ZNF410: variants seen among roughly 807,000 people sequenced by gnomAD.
ZNF410 encodes another partner for ARF 1.
ZNF410 carries 18 observed loss-of-function variants against 54.8 expected under a neutral mutation model. The ratio of observed to expected loss-of-function variants is 0.33; its 90% CI spans 0.23 to 0.49. The LOEUF is 0.49. Among genes scored for constraint, ZNF410 ranks in the 20% least tolerant of loss-of-function variants. The probability of loss-of-function intolerance (pLI) is 0.99; values close to 1 mark genes in which losing one functional copy is unlikely to be tolerated. For missense variants in ZNF410, 405 were observed against 569.6 expected (o/e 0.71, Z 2.94); for synonymous variants, 191 against 207.3 (o/e 0.92, Z 0.68).
intron 5 of ZNF410, among the ~76,000 whole-genome samples, chr14:73,899,692 C>T (rs975043904): frequency 6.6e-6 from 1 of 152,288 alleles, no homozygotes; most frequent in Admixed American, 6.5e-5. Flanking sequence ...GGTTCCCTGC[C>T]TTGGGCAGTT....
At chr14:73,924,661 G>A (rs906960133) in intron 11 of ZNF410, 3 of 444,708 alleles carry the variant, frequency 6.7e-6, no homozygotes, top group South Asian at 3.2e-5. Flanking sequence ...GTGCTCTTCC[G>A]TCTTTTCTCC....
At chr14:73,897,288 G>T (rs35450019) in intron 4 of ZNF410, among the ~76,000 whole-genome samples, 2 of 152,066 alleles carry the variant, frequency 1.3e-5, no homozygotes, top group East Asian at 3.8e-4. Context: ...AGGTACACTT[G>T]TTCAAGAAGC....
intron 8 of ZNF410, among the ~76,000 whole-genome samples, chr14:73,911,665 C>T (rs1367468494): frequency 1.3e-5 from 2 of 152,070 alleles, no homozygotes; most frequent in Non-Finnish European, 2.9e-5. Context: ...TGGTGTTATA[C>T]CTGTCAAAAT....
rs555171753 is a variant in ZNF410, at chr14:73,905,910, CACAT to C, written c.913+833_913+836del. Among the ~76,000 whole-genome samples, 66 of 149,322 alleles carry C rather than the reference CACAT, an allele frequency of 4.4e-4. No homozygotes were observed. The South Asian group carries it at 8.9e-3, about 20-fold the overall frequency. On this transcript the variant is annotated intron_variant, in intron 7 of 11. Transcript: ENST00000555044. ...AGGCATATATATACATACATATATA[CACAT>C]ACATATATATACACATACATACATA...
chr14:73,909,615 G>T (rs887157801), intron 8 of ZNF410, 185 bp downstream of exon 8: 26 of 472,410 alleles, frequency 5.5e-5, no homozygotes, highest in African/African-American at 3.1e-4. Flanking sequence ...GTTGGGGGGG[G>T]GACATCTAAT....
intron 1 of ZNF410, among the ~76,000 whole-genome samples, chr14:73,889,446 A>G (rs951655777): frequency 2.6e-5 from 4 of 151,664 alleles, no homozygotes; most frequent in South Asian, 2.1e-4. Flanking sequence ...AAAAAAAAAA[A>G]AAAAAAAGAA....
At chr14:73,929,295 A>T (rs1190192519) in intron 11 of ZNF410, among the ~76,000 whole-genome samples, 1 of 151,962 alleles carries the variant, frequency 6.6e-6, no homozygotes, top group East Asian at 1.9e-4. Context: ...TCAGGGTTCC[A>T]GGCTTAGGCC....
At chr14:73,917,133 C>CT (rs1270529273) in intron 8 of ZNF410, among the ~76,000 whole-genome samples, 1 of 151,802 alleles carries the variant, frequency 6.6e-6, no homozygotes, top group East Asian at 1.9e-4. Flanking sequence ...TTTTTTTGTA[C>CT]TTTATTTTTT....
chr14:73,926,763 T>C (rs757107258), intron 11 of ZNF410, among the ~76,000 whole-genome samples: 1 of 152,138 alleles, frequency 6.6e-6, no homozygotes, highest in African/African-American at 2.4e-5. Context: ...TCCTAAAGAT[T>C]TTCCCACATT....
chr14:73,923,210 C>T (rs569582394), intron 10 of ZNF410, among the ~76,000 whole-genome samples, 185 bp from the exon 11 acceptor site: 21 of 152,266 alleles, frequency 1.4e-4, no homozygotes, highest in African/African-American at 5.1e-4. Flanking sequence ...CCTTTCTATT[C>T]TCTTTTTATA....
rs1344994499 is a variant in ZNF410 at position 73,905,121 on chromosome 14, C to G, written c.913+38C>G. 4 of 1,587,622 alleles carry G rather than the reference C, an allele frequency of 2.5e-6. No individual in the cohort carries two copies. The South Asian group carries it at 4.6e-5, about 18-fold the overall frequency. The stretch of plus-strand genomic sequence containing the variant: ...CCAACATTCCTTTGGGCAGTCTGCT[C>G]CTTGGCTCTGCATGTTTGCCTCTCC... On this transcript the variant is annotated intron_variant, in intron 7 of 11. Transcript: ENST00000555044.
intron 11 of ZNF410, 117 bp from the exon 12 acceptor site, chr14:73,931,386 C>G (rs1299365373): frequency 3.6e-6 from 3 of 836,620 alleles, no homozygotes; most frequent in Non-Finnish European, 5.7e-6. Context: ...AGTAGATAGC[C>G]TTCATTCACC....
intron 8 of ZNF410, 93 bp from the exon 9 acceptor site, chr14:73,920,887 A>T (rs1223864018): frequency 5.3e-6 from 8 of 1,515,718 alleles, no homozygotes; most frequent in Admixed American, 3.7e-5. Flanking sequence ...GCTTATGTTC[A>T]GTTTAACATT....
At chr14:73,928,292 G>A (rs956392946) in intron 11 of ZNF410, among the ~76,000 whole-genome samples, 10 of 152,148 alleles carry the variant, frequency 6.6e-5, no homozygotes, top group African/African-American at 2.4e-4. Context: ...GGACAGCAGT[G>A]TGTACAAAGG....
At chr14:73,913,394 G>A (rs1183138653) in intron 8 of ZNF410, 2 of 151,916 alleles carry the variant, frequency 1.3e-5, no homozygotes, top group African/African-American at 4.8e-5. Context: ...TCCAGAGCAA[G>A]GTTGAAGGAA....
chr14:73,925,079 G>T (rs2055809685), intron 11 of ZNF410, among the ~76,000 whole-genome samples: 1 of 152,094 alleles, frequency 6.6e-6, no homozygotes, highest in African/African-American at 2.4e-5. Flanking sequence ...TAATATCTTT[G>T]GGGGTACCCA....
At chr14:73,904,417 T>A (rs2055451226) in intron 6 of ZNF410, among the ~76,000 whole-genome samples, 1 of 152,202 alleles carries the variant, frequency 6.6e-6, no homozygotes, top group African/African-American at 2.4e-5. Flanking sequence ...ACCTTGAACC[T>A]ATGAGATCAG....
chr14:73,920,888 G>A (rs1231159555), intron 8 of ZNF410, 92 bp from the exon 9 acceptor site: 3 of 1,536,882 alleles, frequency 2.0e-6, no homozygotes, highest in African/African-American at 1.4e-5. Context: ...CTTATGTTCA[G>A]TTTAACATTC....
chr14:73,929,798 CAG>C (rs1322227701), intron 11 of ZNF410, among the ~76,000 whole-genome samples: 1 of 150,900 alleles, frequency 6.6e-6, no homozygotes, highest in Non-Finnish European at 1.5e-5. Flanking sequence ...GTCTGGGTGA[CAG>C]AGCCAAACTC....
Sources: allele counts gnomAD v4.1 joint callset (sites outside exome capture counted in the v4.1 genomes callset), GRCh38; gene constraint gnomAD v4.1.1; transcripts MANE v1.5; gene names NCBI Gene and HGNC (gene_info 2026-07-23, HGNC 2026-07-21).